SYNE1: variants seen among roughly 807,000 people sequenced by gnomAD.
The protein encoded by SYNE1 is spectrin repeat containing nuclear envelope protein 1, also known as nesprin-1.
Under a neutral mutation model 1,111.0 loss-of-function variants are expected in SYNE1, and 616 were observed. That is an observed-to-expected ratio of 0.55 (90% CI 0.52 to 0.59). The LOEUF is 0.59. SYNE1 is among the 20% of genes least tolerant of loss of function. The pLI is 0.00. For missense variants in SYNE1, 10,006 were observed against 10,417.0 expected, an observed-to-expected ratio of 0.96 and a Z score of 1.72; for synonymous variants, 3,855 against 3,825.8, an observed-to-expected ratio of 1.01 and a Z score of -0.28.
intron 131 of SYNE1, among the ~76,000 whole-genome samples, chr6:152,162,494 A>C (rs1202897259): frequency 6.6e-6 from 1 of 152,166 alleles, no homozygotes; most frequent in Non-Finnish European, 1.5e-5. Flanking sequence ...TACACTTGTG[A>C]AATTACGATA....
intron 66 of SYNE1, among the ~76,000 whole-genome samples, chr6:152,355,802 G>A (rs1467595103): frequency 6.6e-6 from 1 of 152,094 alleles, no homozygotes; most frequent in Non-Finnish European, 1.5e-5. Flanking sequence ...ATCAGTATAT[G>A]TAGTTAAAAC....
At chr6:152,349,137 C>T (rs1934157111) in intron 72 of SYNE1, among the ~76,000 whole-genome samples, 1 of 152,222 alleles carries the variant, frequency 6.6e-6, no homozygotes, top group Non-Finnish European at 1.5e-5. Context: ...ACACTGACCA[C>T]ATGATGAGTA....
intron 3 of SYNE1, among the ~76,000 whole-genome samples, chr6:152,561,781 G>A (rs2099396083): frequency 6.6e-6 from 1 of 152,032 alleles, no homozygotes; most frequent in Non-Finnish European, 1.5e-5. Context: ...ATTAATCTTT[G>A]AAAAAGGCAT....
intron 105 of SYNE1, among the ~76,000 whole-genome samples, chr6:152,248,260 A>G (rs2088021317): frequency 6.6e-6 from 1 of 152,152 alleles, no homozygotes; most frequent in Admixed American, 6.5e-5. Context: ...AACACCCAAG[A>G]GTGTGCAAGA....
intron 3 of SYNE1, among the ~76,000 whole-genome samples, chr6:152,620,438 A>G (rs762430226): frequency 3.2e-4 from 48 of 152,288 alleles, no homozygotes; most frequent in Non-Finnish European, 5.1e-4. Flanking sequence ...CTACAGTTAC[A>G]TACATATACT....
chr6:152,579,726 A>T (rs1251788712), intron 3 of SYNE1, among the ~76,000 whole-genome samples: 1 of 152,114 alleles, frequency 6.6e-6, no homozygotes, highest in Non-Finnish European at 1.5e-5. Flanking sequence ...CTTTGTGTCC[A>T]TATGCACTCG....
chr6:152,167,025 T>C (rs964836831), intron 130 of SYNE1, among the ~76,000 whole-genome samples: 6 of 152,226 alleles, frequency 3.9e-5, no homozygotes, highest in Non-Finnish European at 8.8e-5. Context: ...AACATTACTT[T>C]TGGTAAGCAT....
chr6:152,306,545 TA>T (rs1240096643), intron 91 of SYNE1, among the ~76,000 whole-genome samples: 3 of 150,556 alleles, frequency 2.0e-5, no homozygotes, highest in Non-Finnish European at 4.4e-5. Context: ...AGAGTTGGTA[TA>T]AAAAAGTGAT....
intron 3 of SYNE1, among the ~76,000 whole-genome samples, chr6:152,606,976 CTCTT>C (rs2099617034): frequency 1.8e-5 from 2 of 109,102 alleles, no homozygotes; most frequent in African/African-American, 7.5e-5. Context: ...TGCCTCGGTT[CTCTT>C]TTTTTTTTTT....
At chr6:152,398,830 CT>C in intron 48 of SYNE1, 99 bp from the exon 49 acceptor site, 1 of 852,128 alleles carries the variant, frequency 1.2e-6, no homozygotes, top group South Asian at 1.5e-5. Context: ...TATTTCTGGC[CT>C]TTAGCTCATC....
At chr6:152,505,694 C>G (rs958733235) in intron 8 of SYNE1, among the ~76,000 whole-genome samples, 2 of 152,186 alleles carry the variant, frequency 1.3e-5, no homozygotes, top group African/African-American at 4.8e-5. Context: ...GTCCTCCGCT[C>G]TACCAGCTGA....
Position 152,628,044 on chromosome 6 carries a change from C to CAAAAAAAAAAAAAAA in SYNE1, c.67+206_67+220dup, listed in dbSNP as rs66815986. ...ACATGCTAATGCAGACACAAAATTA[C>CAAAAAAAAAAAAAAA]AAAAAAAAAAAAAAAAGCTGTATTT... is the stretch of plus-strand genomic sequence containing the variant. On this transcript the variant is annotated intron_variant, in intron 3 of 145. Coordinates refer to ENST00000367255, the MANE Select transcript of SYNE1 (RefSeq NM_182961.4). 1.1e-4 allele frequency among the ~76,000 whole-genome samples: 11 copies of CAAAAAAAAAAAAAAA among 103,372 alleles called. 1 individual carries two copies. The highest frequency in any genetic ancestry group is 1.7e-4 in the Non-Finnish European group (9 of 53,762). 67.8% of individuals were successfully genotyped at this position (103,372 alleles called of 152,430 possible). A position where few individuals can be genotyped will look rare whatever the true frequency, so the allele number is the denominator to read the frequency against.
At chr6:152,269,990 G>T (rs1355279726) in intron 98 of SYNE1, among the ~76,000 whole-genome samples, 1 of 152,086 alleles carries the variant, frequency 6.6e-6, no homozygotes, top group Non-Finnish European at 1.5e-5. Flanking sequence ...TCACAGACCA[G>T]GTCTTGACCT....
At chr6:152,186,917 A>G (rs2070292365) in intron 128 of SYNE1, among the ~76,000 whole-genome samples, 1 of 152,232 alleles carries the variant, frequency 6.6e-6, no homozygotes, top group Admixed American at 6.5e-5. Context: ...CCCACCAAAT[A>G]TCTTTCATTT....
At position 152,238,859 on chromosome 6, in the gene SYNE1, C is replaced by T. The variant is rs961252271; in HGVS notation, c.20067+674G>A. On this transcript the variant is annotated intron_variant, in intron 108 of 145. Transcript: ENST00000367255. ...AGCACTACTCTGTTCCAAGAGCAACCGCATTTGGGACAGAAAAAAATATTT... is the reference window on the plus strand; with the variant it reads ...AGCACTACTCTGTTCCAAGAGCAACTGCATTTGGGACAGAAAAAAATATTT... Among the ~76,000 whole-genome samples the T allele has an allele frequency of 6.6e-5, 10 of 151,906 alleles. No individual in the cohort carries two copies. The East Asian group carries it at 1.7e-3, about 26-fold the overall frequency.
chr6:152,452,778 A>G (rs2098661869), intron 25 of SYNE1, among the ~76,000 whole-genome samples: 1 of 152,156 alleles, frequency 6.6e-6, no homozygotes, highest in African/African-American at 2.4e-5. Context: ...CCTCCATGGG[A>G]CAGACTCAGC....
intron 101 of SYNE1, 145 bp from the exon 102 acceptor site, chr6:152,256,910 A>C: frequency 4.7e-6 from 6 of 1,263,858 alleles, no homozygotes; most frequent in South Asian, 1.2e-5. Flanking sequence ...ACAACATACC[A>C]TGTCCACTGA....
chr6:152,362,373 G>A (rs775913610), intron 63 of SYNE1, 50 bp from the exon 64 acceptor site: 7 of 1,611,246 alleles, frequency 4.3e-6, no homozygotes, highest in Non-Finnish European at 5.9e-6. Flanking sequence ...ATCCTTAGGA[G>A]TCTAAAATGT....
rs761785672 is a variant in SYNE1, at chr6:152,488,390, C to T, written c.1047+6G>A. On this transcript the variant is annotated splice_donor_region_variant and intron_variant, in intron 12 of 145. Coordinates refer to ENST00000367255, the MANE Select transcript of SYNE1 (RefSeq NM_182961.4). The stretch of plus-strand genomic sequence containing the variant: ...GAAAAATTCAAAAATCTTCTCCATA[C>T]AATACCTGATATTTATCCTGTAAAT... The T allele has an allele frequency of 2.0e-6, 3 of 1,515,466 alleles. No homozygotes were observed. The highest frequency in any genetic ancestry group is 2.3e-5 in the East Asian group (1 of 44,202). 93.9% of individuals were successfully genotyped at this position (1,515,466 alleles called of 1,614,324 possible). A position where few individuals can be genotyped will look rare whatever the true frequency, so the allele number is the denominator to read the frequency against.
Sources: gnomAD v4.1 joint callset for allele counts (sites outside exome capture counted in the v4.1 genomes callset) on GRCh38, gnomAD v4.1.1 for gene constraint, MANE v1.5 for transcripts, NCBI Gene and HGNC (gene_info 2026-07-23, HGNC 2026-07-21) for gene names.